Variants in CNTNAP2 observed in about 807,000 individuals in gnomAD.
CNTNAP2 encodes the protein contactin-associated protein-like 2.
A neutral mutation model predicts 155.2 loss-of-function variants in CNTNAP2; 98 were observed. The observed-to-expected ratio is 0.63, with a 90% CI of 0.54 to 0.75. The LOEUF (loss-of-function observed/expected upper bound fraction) is 0.75. Ranked by LOEUF, CNTNAP2 falls within the 30% of genes least tolerant of loss-of-function variation. The pLI, the probability that CNTNAP2 is intolerant of heterozygous loss-of-function variation, is 0.00. For synonymous variants in CNTNAP2, 651 were observed against 631.2 expected, an observed-to-expected ratio of 1.03 and a Z score of -0.47; for missense variants, 1,727 against 1,688.1, an observed-to-expected ratio of 1.02 and a Z score of -0.40.
At chr7:146,307,479 C>T (rs934101658) in intron 1 of CNTNAP2, among the ~76,000 whole-genome samples, 10 of 152,164 alleles carry the variant, frequency 6.6e-5, no homozygotes, top group African/African-American at 2.2e-4. Context: ...GAAAAAACTA[C>T]TTTAAAGTTC....
rs1801346449 is a variant in CNTNAP2, at chr7:146,722,061, T to G, written c.98-52210T>G. Among the ~76,000 whole-genome samples the G allele has an allele frequency of 2.0e-5, 3 of 150,616 alleles. No individual in the cohort carries two copies. The South Asian group carries it at 6.2e-4, about 31-fold the overall frequency. On this transcript the variant is annotated intron_variant, in intron 1 of 23. Transcript: ENST00000361727. ...GGCTACCATGCCTGGCTAGTTTTTT[T>G]GTATTTTTAGTAGAGACAGGTTTTC...
chr7:146,369,953 A>C (rs977644584), intron 1 of CNTNAP2, among the ~76,000 whole-genome samples: 1 of 152,046 alleles, frequency 6.6e-6, no homozygotes, highest in Non-Finnish European at 1.5e-5. Context: ...CTAAACAAAG[A>C]CTTGTGTACT....
chr7:147,679,474 G>T (rs2116977663), intron 13 of CNTNAP2, among the ~76,000 whole-genome samples: 1 of 151,960 alleles, frequency 6.6e-6, no homozygotes, highest in South Asian at 2.1e-4. Context: ...TAGATTAAAA[G>T]GAGACTCAGA....
chr7:147,110,799 A>C (rs555439735), intron 5 of CNTNAP2, among the ~76,000 whole-genome samples: 1 of 152,186 alleles, frequency 6.6e-6, no homozygotes, highest in East Asian at 1.9e-4. Flanking sequence ...GGTTGATTTC[A>C]TGTCTTTGCT....
chr7:148,066,594 T>C (rs561686306), intron 15 of CNTNAP2, among the ~76,000 whole-genome samples: 210 of 152,216 alleles, frequency 1.4e-3, no homozygotes, highest in African/African-American at 4.9e-3. Context: ...ACCTCCTGGA[T>C]TCACGCCATT....
chr7:146,927,631 T>A (rs919669503), intron 3 of CNTNAP2, among the ~76,000 whole-genome samples: 11 of 150,960 alleles, frequency 7.3e-5, no homozygotes, highest in Non-Finnish European at 1.5e-4. Context: ...TGCCTTTTTT[T>A]CGTTAAGGTA....
At chr7:147,687,562 A>T (rs778059393) in intron 13 of CNTNAP2, among the ~76,000 whole-genome samples, 1 of 152,160 alleles carries the variant, frequency 6.6e-6, no homozygotes, top group Non-Finnish European at 1.5e-5. Flanking sequence ...AGAGGCTCAC[A>T]TGGGTTTAAG....
chr7:146,214,956 C>A (rs1352175070), intron 1 of CNTNAP2, among the ~76,000 whole-genome samples: 1 of 152,178 alleles, frequency 6.6e-6, no homozygotes, highest in Non-Finnish European at 1.5e-5. Context: ...CTTTGCCAAT[C>A]CTTCCGAACA....
chr7:146,923,316 CTATG>C (rs752787683), intron 3 of CNTNAP2, among the ~76,000 whole-genome samples: 7 of 152,054 alleles, frequency 4.6e-5, no homozygotes, highest in Admixed American at 2.0e-4. Flanking sequence ...TGAGTGTTTA[CTATG>C]TATGGGGCAT....
At chr7:147,425,373 A>G (rs1003815373) in intron 10 of CNTNAP2, among the ~76,000 whole-genome samples, 2 of 152,242 alleles carry the variant, frequency 1.3e-5, no homozygotes, top group East Asian at 3.9e-4. Flanking sequence ...CTTTACTTAC[A>G]GCCTCTCTCA....
At chr7:146,539,147 A>C (rs998418239) in intron 1 of CNTNAP2, among the ~76,000 whole-genome samples, 1 of 152,156 alleles carries the variant, frequency 6.6e-6, no homozygotes, top group African/African-American at 2.4e-5. Flanking sequence ...AAAGCAAACC[A>C]GTATCAAATC....
intron 1 of CNTNAP2, among the ~76,000 whole-genome samples, chr7:146,254,423 T>C (rs1315425205): frequency 2.6e-5 from 4 of 152,200 alleles, no homozygotes; most frequent in Non-Finnish European, 5.9e-5. Context: ...GCCTCATTCA[T>C]ACAGATCGTA....
intron 1 of CNTNAP2, among the ~76,000 whole-genome samples, chr7:146,540,985 T>C (rs1418108451): frequency 1.3e-5 from 2 of 152,026 alleles, no homozygotes; most frequent in Non-Finnish European, 2.9e-5. Flanking sequence ...ATTTTTATTT[T>C]TGATAGCAAT....
chr7:148,122,999 T>C (rs910848392), intron 16 of CNTNAP2, among the ~76,000 whole-genome samples: 1 of 152,162 alleles, frequency 6.6e-6, no homozygotes, highest in Admixed American at 6.5e-5. Flanking sequence ...TGGGGCACCT[T>C]TCATGAAGGA....
chr7:146,372,120 G>T (rs1485354219), intron 1 of CNTNAP2, among the ~76,000 whole-genome samples: 1 of 152,112 alleles, frequency 6.6e-6, no homozygotes, highest in African/African-American at 2.4e-5. Context: ...TGAGTGGAAA[G>T]AACAGATGTT....
chr7:147,475,599 T>C (rs926508544), intron 10 of CNTNAP2, among the ~76,000 whole-genome samples: 6 of 152,128 alleles, frequency 3.9e-5, no homozygotes, highest in African/African-American at 1.2e-4. Flanking sequence ...GCTTACCAAT[T>C]TGTCTTTGTA....
intron 1 of CNTNAP2, among the ~76,000 whole-genome samples, chr7:146,729,616 TATAG>T (rs1267347204): frequency 1.3e-5 from 2 of 151,840 alleles, no homozygotes; most frequent in African/African-American, 2.4e-5. Context: ...GTGTATTAAA[TATAG>T]ATATAGATAT....
intron 8 of CNTNAP2, among the ~76,000 whole-genome samples, chr7:147,284,494 A>T (rs1218518868): frequency 6.6e-6 from 1 of 151,910 alleles, no homozygotes; most frequent in East Asian, 1.9e-4. Context: ...TATGCACATG[A>T]TGCCAACCCA....
chr7:146,816,031 G>T (rs1259891562), intron 2 of CNTNAP2, among the ~76,000 whole-genome samples: 5 of 152,098 alleles, frequency 3.3e-5, no homozygotes, highest in Non-Finnish European at 7.4e-5. Context: ...CTGTCCTTGT[G>T]ATAGTTTGCT....
Sources: gnomAD v4.1 joint callset for allele counts (sites outside exome capture counted in the v4.1 genomes callset) on GRCh38, gnomAD v4.1.1 for gene constraint, MANE v1.5 for transcripts, NCBI Gene and HGNC (gene_info 2026-07-23, HGNC 2026-07-21) for gene names.